VPS45: variants seen among roughly 807,000 people sequenced by gnomAD.
VPS45 encodes the protein vacuolar protein sorting 45 homolog, also known as vacuolar protein sorting-associated protein 45.
VPS45 carries 35 observed loss-of-function variants against 75.9 expected under a neutral mutation model. The ratio of observed to expected loss-of-function variants is 0.46; its 90% CI spans 0.35 to 0.61. VPS45 has a LOEUF of 0.61. Among genes scored for constraint, VPS45 ranks in the 20% least tolerant of loss-of-function variants. The pLI, the probability that VPS45 is intolerant of heterozygous loss-of-function variation, is 0.00. For synonymous variants in VPS45, 220 were observed against 238.2 expected, an observed-to-expected ratio of 0.92 and a Z score of 0.70; for missense variants, 559 against 685.9, an observed-to-expected ratio of 0.81 and a Z score of 2.07.
chr1:150,101,333 C>G (rs1656976231), intron 13 of VPS45, among the ~76,000 whole-genome samples: 1 of 150,312 alleles, frequency 6.7e-6, no homozygotes, highest in Admixed American at 6.6e-5. Context: ...ATACGTGCAG[C>G]CAACAAGCAT....
chr1:150,081,587 G>T, intron 8 of VPS45, 111 bp downstream of exon 8: 1 of 1,259,062 alleles, frequency 7.9e-7, no homozygotes. Flanking sequence ...AAGGATGATA[G>T]GGGCATCCTG....
At chr1:150,076,178 A>T in intron 3 of VPS45, 55 bp from the exon 4 acceptor site, 1 of 1,434,616 alleles carries the variant, frequency 7.0e-7, no homozygotes, top group Non-Finnish European at 9.6e-7. Flanking sequence ...GCCCTTTTAC[A>T]TATATTGCAG....
chr1:150,109,344 GAAATCTCTGCA>G (rs140459644), intron 13 of VPS45: 16,074 of 152,044 alleles, frequency 0.11, 1,191 homozygotes, highest in Non-Finnish European at 0.16. Context: ...ATTTTACTGG[GAAATCTCTGCA>G]ATTTAGAGAC....
At chr1:150,117,638 T>C (rs1368373894) in intron 14 of VPS45, among the ~76,000 whole-genome samples, 3 of 152,018 alleles carry the variant, frequency 2.0e-5, no homozygotes, top group Non-Finnish European at 4.4e-5. Context: ...GTGGGCAGAT[T>C]GCTTGAACTC....
At chr1:150,103,962 G>A (rs115226233) in intron 13 of VPS45, among the ~76,000 whole-genome samples, 3,709 of 152,172 alleles carry the variant, frequency 0.024, 66 homozygotes, top group Middle Eastern at 0.048. Flanking sequence ...ATTTACTTAA[G>A]TAAATAAAAT....
intron 14 of VPS45, among the ~76,000 whole-genome samples, chr1:150,123,215 C>G (rs928736213): frequency 8.5e-5 from 13 of 152,122 alleles, no homozygotes; most frequent in Non-Finnish European, 1.9e-4. Flanking sequence ...CTTTTTATGA[C>G]TGAGTAATAT....
intron 9 of VPS45, among the ~76,000 whole-genome samples, 174 bp downstream of exon 9, chr1:150,082,171 T>C (rs1177858450): frequency 6.6e-6 from 1 of 152,222 alleles, no homozygotes; most frequent in Non-Finnish European, 1.5e-5. Flanking sequence ...TGATAAGCCA[T>C]GTGCTTCTTT....
chr1:150,077,803 A>G (rs782429927), intron 7 of VPS45, 24 bp downstream of exon 7: 5 of 1,542,432 alleles, frequency 3.2e-6, no homozygotes, highest in Non-Finnish European at 4.5e-6. Context: ...TCTTGGCATA[A>G]TAGAAGGATA....
intron 12 of VPS45, 54 bp from the exon 13 acceptor site, chr1:150,093,473 C>T: frequency 6.3e-7 from 1 of 1,592,184 alleles, no homozygotes; most frequent in Non-Finnish European, 8.6e-7. Context: ...ATTATTAATT[C>T]TTGTGTTGCC....
intron 3 of VPS45, among the ~76,000 whole-genome samples, chr1:150,075,116 C>T (rs1278256498): frequency 7.3e-6 from 1 of 137,484 alleles, no homozygotes; most frequent in Non-Finnish European, 1.5e-5. Context: ...AATAACCATT[C>T]AGCGTTCAAA....
At chr1:150,090,702 A>G (rs968401992) in intron 10 of VPS45, among the ~76,000 whole-genome samples, 1 of 152,222 alleles carries the variant, frequency 6.6e-6, no homozygotes, top group Admixed American at 6.5e-5. Flanking sequence ...GTTTTCTTCA[A>G]ATTATAAGGT....
At chr1:150,124,243 G>A (rs1342372762) in intron 14 of VPS45, among the ~76,000 whole-genome samples, 6 of 152,062 alleles carry the variant, frequency 3.9e-5, no homozygotes, top group Non-Finnish European at 5.9e-5. Flanking sequence ...GGTGGATCAC[G>A]AGGTCTGGAG....
At chr1:150,140,386 GGTGTGTGTGTGTGTGT>G (rs574312693) in intron 14 of VPS45, among the ~76,000 whole-genome samples, 7 of 140,432 alleles carry the variant, frequency 5.0e-5, no homozygotes, top group East Asian at 2.1e-4. Flanking sequence ...CATCACTTCT[GGTGTGTGTGTGTGTGT>G]GTGTGTGTGT....
intron 13 of VPS45, among the ~76,000 whole-genome samples, chr1:150,108,545 A>C (rs72694927): frequency 0.15 from 22,690 of 152,194 alleles, 1,844 homozygotes; most frequent in African/African-American, 0.17. Context: ...AGTATTCCAC[A>C]ATTAAGAGGT....
At chr1:150,119,259 T>C (rs1017240965) in intron 14 of VPS45, among the ~76,000 whole-genome samples, 6 of 152,170 alleles carry the variant, frequency 3.9e-5, no homozygotes, top group African/African-American at 7.2e-5. Context: ...TCTTAGACTC[T>C]CAGTAATGGA....
chr1:150,108,371 A>G (rs1553806389), intron 13 of VPS45, among the ~76,000 whole-genome samples: 2 of 152,194 alleles, frequency 1.3e-5, no homozygotes, highest in Non-Finnish European at 1.5e-5. Context: ...GCTGTTGAGC[A>G]CTTGAAATGT....
At chr1:150,079,142 CTCCAACA>C (rs1452419721) in intron 7 of VPS45, among the ~76,000 whole-genome samples, 2 of 150,302 alleles carry the variant, frequency 1.3e-5, no homozygotes, top group Non-Finnish European at 3.0e-5. Context: ...CAAAAGCCAT[CTCCAACA>C]TCCAGCCATT....
At chr1:150,142,390 G>A (rs150807160) in intron 14 of VPS45, among the ~76,000 whole-genome samples, 61 of 152,254 alleles carry the variant, frequency 4.0e-4, no homozygotes, top group African/African-American at 1.4e-3. Flanking sequence ...CTCCAATTGT[G>A]TCTAGTCCAA....
intron 13 of VPS45, 86 bp downstream of exon 13, chr1:150,093,734 G>A (rs899830555): frequency 6.7e-5 from 99 of 1,471,562 alleles, no homozygotes; most frequent in Non-Finnish European, 8.7e-5. Flanking sequence ...TAAAGCTGAG[G>A]TTATAGCATT....
Sources: gnomAD v4.1 joint callset for allele counts (sites outside exome capture counted in the v4.1 genomes callset) on GRCh38, gnomAD v4.1.1 for gene constraint, MANE v1.5 for transcripts, NCBI Gene and HGNC (gene_info 2026-07-23, HGNC 2026-07-21) for gene names.